ITSN2: variants seen among roughly 807,000 people sequenced by gnomAD.
ITSN2 encodes intersectin-2.
Under a neutral mutation model 243.7 loss-of-function variants are expected in ITSN2, and 156 were observed. The ratio of observed to expected loss-of-function variants is 0.64; its 90% confidence interval spans 0.56 to 0.73. ITSN2 has a LOEUF of 0.73. Among genes scored for constraint, ITSN2 ranks in the 30% least tolerant of loss-of-function variants. The pLI is 0.00. For missense variants in ITSN2, 1,801 were observed against 1,996.1 expected (o/e 0.90, Z 1.86); for synonymous variants, 703 against 699.9 (o/e 1.00, Z -0.07).
intron 9 of ITSN2, among the ~76,000 whole-genome samples, chr2:24,303,261 T>C (rs1682027638): frequency 6.6e-6 from 1 of 152,182 alleles, no homozygotes; most frequent in Non-Finnish European, 1.5e-5. Flanking sequence ...AATGGCTCCA[T>C]GCGTGTTATT....
At chr2:24,287,791 AT>A (rs1365448034) in intron 15 of ITSN2, among the ~76,000 whole-genome samples, 2 of 152,096 alleles carry the variant, frequency 1.3e-5, no homozygotes, top group African/African-American at 4.8e-5. Context: ...TTCCCTGATG[AT>A]TAATAATGTT....
intron 17 of ITSN2, among the ~76,000 whole-genome samples, chr2:24,280,007 C>T (rs1678565121): frequency 6.6e-6 from 1 of 152,096 alleles, no homozygotes; most frequent in Non-Finnish European, 1.5e-5. Flanking sequence ...GCTGGGATTA[C>T]AGGCGTGAGC....
intron 17 of ITSN2, among the ~76,000 whole-genome samples, chr2:24,280,391 T>TACA (rs1459343301): frequency 6.6e-6 from 1 of 152,158 alleles, no homozygotes; most frequent in Admixed American, 6.5e-5. Context: ...TTCTTATCTC[T>TACA]ACAGTGCTGT....
chr2:24,333,142 CCTGT>C (rs1024015643), intron 1 of ITSN2, among the ~76,000 whole-genome samples: 3 of 152,334 alleles, frequency 2.0e-5, no homozygotes, highest in African/African-American at 4.8e-5. Context: ...CAATCCCAAG[CCTGT>C]CTAATTCTTA....
At chr2:24,356,895 C>T (rs1473656131) in intron 1 of ITSN2, among the ~76,000 whole-genome samples, 2 of 147,604 alleles carry the variant, frequency 1.4e-5, no homozygotes, top group Non-Finnish European at 3.0e-5. Context: ...AAGAGTGAGA[C>T]TCCGTCTCAA....
rs11901940 is a variant in ITSN2 at position 24,287,134 on chromosome 2, C to T, written c.1724-783G>A. Among the ~76,000 whole-genome samples the T allele has an allele frequency of 8.7e-3, 1,327 of 152,226 alleles. 14 individuals are homozygous for T. The highest frequency in any genetic ancestry group is 0.031 in the African/African-American group (1,273 of 41,542). Reference sequence around the variant, plus strand: ...GCATTTACATTTAGATGTGTACATACTCAACTTTTATTTCCATGGGTTTTA... The same window carrying T: ...GCATTTACATTTAGATGTGTACATATTCAACTTTTATTTCCATGGGTTTTA... On this transcript the variant is annotated intron_variant, in intron 15 of 39. Coordinates refer to ENST00000355123, the MANE Select transcript of ITSN2 (RefSeq NM_006277.3).
At chr2:24,300,649 G>C (rs1027934873) in intron 11 of ITSN2, among the ~76,000 whole-genome samples, 5 of 151,980 alleles carry the variant, frequency 3.3e-5, no homozygotes, top group Admixed American at 1.3e-4. Flanking sequence ...AACCCAGGAG[G>C]CGGAAGTTGC....
At chr2:24,332,764 T>C (rs961190968) in intron 1 of ITSN2, among the ~76,000 whole-genome samples, 4 of 152,238 alleles carry the variant, frequency 2.6e-5, no homozygotes, top group African/African-American at 9.6e-5. Flanking sequence ...TTAACAATTA[T>C]AATTGAAATT....
chr2:24,257,295 G>T (rs543972433), intron 23 of ITSN2, among the ~76,000 whole-genome samples: 4 of 152,138 alleles, frequency 2.6e-5, no homozygotes, highest in African/African-American at 9.6e-5. Flanking sequence ...CTCTAGCCTA[G>T]GCAACAGAGT....
At position 24,254,414 on chromosome 2, in the gene ITSN2, G is replaced by A. The variant is rs1246198079; in HGVS notation, c.2906C>T (p.Ala969Val). ...VKREEPEALY[A>V]AVNKKPTSAA... is the part of the protein sequence containing the mutation. ...CGAGGTAGGTTTCTTATTTACAGCT[G>A]CATACAAAGCTTCTGGTCTACCAAA... is the stretch of plus-strand genomic sequence containing the variant. Residue 969 changes from alanine (A) to valine (V), a missense_variant, in exon 24 of 40, where the codon GCA becomes GTA. Ala to Val is a moderately conservative substitution (Grantham distance 64, BLOSUM62 0). This residue lies in a region of ITSN2 where 928 missense variants were observed against 1,065.4 expected (regional missense o/e 0.87). Coordinates refer to ENST00000355123, the MANE Select transcript of ITSN2 (RefSeq NM_006277.3). 2 of 1,610,766 alleles carry A rather than the reference G, an allele frequency of 1.2e-6. No individual in the cohort carries two copies. The highest frequency in any genetic ancestry group is 1.7e-6 in the Non-Finnish European group (2 of 1,177,518).
chr2:24,293,887 A>G, intron 14 of ITSN2, 112 bp from the exon 15 acceptor site: 1 of 434,570 alleles, frequency 2.3e-6, no homozygotes, highest in Non-Finnish European at 4.1e-6. Context: ...TTTTAGAAAT[A>G]ATACATAGTT....
intron 29 of ITSN2, among the ~76,000 whole-genome samples, chr2:24,227,017 G>A (rs1260235751): frequency 6.6e-6 from 1 of 152,130 alleles, no homozygotes; most frequent in Admixed American, 6.5e-5. Flanking sequence ...TTGGGAGGCT[G>A]AGGCAGGAGA....
At chr2:24,352,898 T>C (rs573788203) in intron 1 of ITSN2, among the ~76,000 whole-genome samples, 1 of 152,322 alleles carries the variant, frequency 6.6e-6, no homozygotes, top group East Asian at 1.9e-4. Flanking sequence ...TTTAGCCTAT[T>C]GTCATCTGTC....
At chr2:24,224,349 A>G (rs530038129) in intron 29 of ITSN2, among the ~76,000 whole-genome samples, 2 of 152,390 alleles carry the variant, frequency 1.3e-5, no homozygotes, top group African/African-American at 4.8e-5. Flanking sequence ...TAATCATTAA[A>G]GCAAATATAT....
intron 29 of ITSN2, among the ~76,000 whole-genome samples, chr2:24,245,557 G>A (rs1673254811): frequency 6.6e-6 from 1 of 150,800 alleles, no homozygotes. Flanking sequence ...ATGACTTACT[G>A]CACTCTTAAC....
At chr2:24,301,572 C>T (rs542848907) in intron 10 of ITSN2, among the ~76,000 whole-genome samples, 169 of 150,306 alleles carry the variant, frequency 1.1e-3, no homozygotes, top group African/African-American at 4.0e-3. Flanking sequence ...GCTGCCCAGG[C>T]TAGAGTGCTG....
chr2:24,220,674 C>A (rs896779056), intron 30 of ITSN2: 1 of 1,277,346 alleles, frequency 7.8e-7, no homozygotes, highest in Middle Eastern at 2.9e-4. Context: ...TCCAACGAAG[C>A]CATGCGAATG....
intron 2 of ITSN2, among the ~76,000 whole-genome samples, chr2:24,316,428 G>A (rs1450317347): frequency 6.6e-6 from 1 of 151,980 alleles, no homozygotes; most frequent in Admixed American, 6.6e-5. Context: ...CTACAGGCAT[G>A]CGCCACCACA....
rs1411038633 is a variant in ITSN2 at position 24,251,317 on chromosome 2, A to AAATAAAAAAAT, written c.3120+1027_3120+1028insATTTTTTTATT. Among the ~76,000 whole-genome samples the AAATAAAAAAAT allele has an allele frequency of 2.8e-4, 2 of 7,096 alleles. 1 individual carries two copies. The highest frequency in any genetic ancestry group is 9.1e-4 in the African/African-American group (2 of 2,190). 4.7% of individuals were successfully genotyped at this position (7,096 alleles called of 152,430 possible). On this transcript the variant is annotated intron_variant, in intron 25 of 39. Coordinates refer to ENST00000355123, the MANE Select transcript of ITSN2 (RefSeq NM_006277.3). Reference sequence around the variant, plus strand: ...AGAACTAAACTCCATCTCAAAAAAAAAAAAAAATAAAATATATATATATAT... The same window carrying AAATAAAAAAAT: ...AGAACTAAACTCCATCTCAAAAAAAAAATAAAAAAATAAAAAAATAAAATATATATATATAT...
Sources: gnomAD v4.1 joint callset for allele counts (sites outside exome capture counted in the v4.1 genomes callset) on GRCh38, gnomAD v4.1.1 for gene constraint, gnomAD v4.1.1 regional missense constraint, MANE v1.5 for transcripts, NCBI Gene and HGNC (gene_info 2026-07-23, HGNC 2026-07-21) for gene names.